The following CMTM6 variants were observed in gnomAD, a reference collection of about 807,000 sequenced individuals.
CMTM6 encodes CKLF like MARVEL transmembrane domain containing 6, also known as CKLF-like MARVEL transmembrane domain-containing protein 6.
CMTM6 carries 5 observed loss-of-function variants against 13.6 expected under a neutral mutation model. The observed-to-expected ratio is 0.37, with a 90% CI of 0.19 to 0.77. The LOEUF is 0.77. Among genes scored for constraint, CMTM6 ranks in the 30% least tolerant of loss-of-function variants. CMTM6 has a pLI of 0.50. For missense variants in CMTM6, 196 were observed against 218.6 expected (o/e 0.90, Z 0.65); for synonymous variants, 99 against 84.5 (o/e 1.17, Z -0.94).
chr3:32,484,910 C>A (rs1048265240), intron 3 of CMTM6, among the ~76,000 whole-genome samples: 4 of 152,068 alleles, frequency 2.6e-5, no homozygotes, highest in Non-Finnish European at 4.4e-5. Context: ...TCTCCTCCCC[C>A]CTCTAAAGAA....
chr3:32,500,426 A>C (rs985575185), intron 1 of CMTM6, among the ~76,000 whole-genome samples: 1 of 152,236 alleles, frequency 6.6e-6, no homozygotes, highest in Non-Finnish European at 1.5e-5. Flanking sequence ...CAAACAAAGG[A>C]ACAAAAAGAC....
At chr3:32,495,203 A>G (rs1407042443) in intron 1 of CMTM6, among the ~76,000 whole-genome samples, 2 of 152,224 alleles carry the variant, frequency 1.3e-5, no homozygotes, top group African/African-American at 4.8e-5. Context: ...TAATTGTAAC[A>G]TGAATGGTTA....
At position 32,482,329 on chromosome 3, in the gene CMTM6, A is replaced by G. The variant is rs1046145191; in HGVS notation, c.*1631T>C. ...TCTGAGAACCACATTAGCCACATTC[A>G]TGCAATTAAAACCCATCTAAGACAC... On this transcript the variant is annotated 3_prime_UTR_variant, in exon 4 of 4. Transcript: ENST00000205636. 2 of 152,078 alleles carry G rather than the reference A, an allele frequency of 1.3e-5. No individual in the cohort carries two copies. The highest frequency in any genetic ancestry group is 2.9e-5 in the Non-Finnish European group (2 of 68,016). The allele number at this position is 152,078 out of a possible 1,614,324, so 9.4% of individuals were successfully genotyped here. A position where few individuals can be genotyped will look rare whatever the true frequency, so the allele number is the denominator to read the frequency against.
chr3:32,494,667 T>C (rs1697274771), intron 1 of CMTM6, among the ~76,000 whole-genome samples: 1 of 152,160 alleles, frequency 6.6e-6, no homozygotes, highest in South Asian at 2.1e-4. Context: ...TACCATGGAA[T>C]ATTAGCAATA....
At chr3:32,493,850 G>A (rs1697268580) in intron 1 of CMTM6, among the ~76,000 whole-genome samples, 1 of 152,218 alleles carries the variant, frequency 6.6e-6, no homozygotes, top group East Asian at 1.9e-4. Flanking sequence ...GCTATAAGAA[G>A]GTTGCCAGTG....
intron 1 of CMTM6, among the ~76,000 whole-genome samples, chr3:32,497,317 A>G (rs1489162481): frequency 2.2e-4 from 33 of 149,596 alleles, no homozygotes; most frequent in East Asian, 1.6e-3. Context: ...CCCAGGAGGC[A>G]GAGCTTTCAG....
Position 32,502,620 on chromosome 3 carries a change from C to T in CMTM6, c.126G>A (p.Lys42=). Residue 42 remains lysine, a synonymous_variant, in exon 1 of 4, where the codon AAG becomes AAA. Coordinates refer to ENST00000205636, the MANE Select transcript of CMTM6 (RefSeq NM_017801.3). ...ACCGCGGACTCACCAGCTGCAAGCC[C>T]TTGAGAACGCGCCGGAGCAATGGGA... ...GRLPLLRRVL[K]GLQLLLSLLA... 6.3e-7 allele frequency: 1 copy of T among 1,597,358 alleles called. No homozygotes were observed. Among genetic ancestry groups the T allele is most frequent in the Non-Finnish European group, 8.5e-7 (1 of 1,173,958 alleles).
chr3:32,493,182 A>G (rs181810860), intron 1 of CMTM6, among the ~76,000 whole-genome samples: 1 of 152,362 alleles, frequency 6.6e-6, no homozygotes, highest in African/African-American at 2.4e-5. Context: ...GTATGGGAAC[A>G]ACACAACTCA....
chr3:32,492,225 G>A (rs1035327866), intron 1 of CMTM6, among the ~76,000 whole-genome samples: 5 of 152,116 alleles, frequency 3.3e-5, no homozygotes, highest in Admixed American at 6.6e-5. Context: ...GAGTCAGTTT[G>A]GGGGATGAAA....
chr3:32,490,053 CT>C (rs1697237928), intron 2 of CMTM6, among the ~76,000 whole-genome samples: 2 of 152,062 alleles, frequency 1.3e-5, no homozygotes, highest in African/African-American at 4.8e-5. Context: ...TGAGACCAGC[CT>C]GGCCAATATG....
Position 32,483,826 on chromosome 3 carries a change from G to T in CMTM6, c.*134C>A. 1.1e-6 allele frequency: 1 copy of T among 887,260 alleles called. No homozygotes were observed. Among genetic ancestry groups the T allele is most frequent in the Non-Finnish European group, 1.6e-6 (1 of 636,710 alleles). The allele number at this position is 887,260 out of a possible 1,614,324, so 55.0% of individuals were successfully genotyped here. ...TGACTGACACAATATTGATAAAACTGCCTTCTTGACCTTCCCCTTGCTCTC... is the reference window on the plus strand; with the variant it reads ...TGACTGACACAATATTGATAAAACTTCCTTCTTGACCTTCCCCTTGCTCTC... On this transcript the variant is annotated 3_prime_UTR_variant, in exon 4 of 4. Transcript: ENST00000205636.
At chr3:32,501,845 T>TA (rs1395427125) in intron 1 of CMTM6, among the ~76,000 whole-genome samples, 2 of 152,196 alleles carry the variant, frequency 1.3e-5, no homozygotes, top group Non-Finnish European at 2.9e-5. Context: ...GTTGGAACAG[T>TA]ACATAGGAGC....
chr3:32,495,869 TTAAGAGAATCAAGGAGTACAA>T (rs1697285470), intron 1 of CMTM6, among the ~76,000 whole-genome samples: 1 of 152,160 alleles, frequency 6.6e-6, no homozygotes, highest in African/African-American at 2.4e-5. Flanking sequence ...CCTGGACATC[TTAAGAGAATCAAGGAGTACAA>T]TATTAAGTAT....
intron 2 of CMTM6, among the ~76,000 whole-genome samples, chr3:32,489,322 T>C (rs1234330749): frequency 1.3e-5 from 2 of 149,760 alleles, no homozygotes; most frequent in African/African-American, 4.9e-5. Context: ...AATTCCTAAA[T>C]TGTCAATCAT....
At position 32,490,861 on chromosome 3, in the gene CMTM6, AT is replaced by A. The variant is rs3836418; in HGVS notation, c.315+848del. On this transcript the variant is annotated intron_variant, in intron 2 of 3. Transcript: ENST00000205636. The stretch of plus-strand genomic sequence containing the variant: ...TCCAGCCAGAATTTGGAATATATAC[AT>A]TTTTTTTTACACATTCAAACTATAA... 2.4e-3 allele frequency among the ~76,000 whole-genome samples: 364 copies of A among 151,602 alleles called. 2 individuals carry two copies. The highest frequency in any genetic ancestry group is 0.022 in the East Asian group (115 of 5,176).
At chr3:32,497,383 A>C (rs928678262) in intron 1 of CMTM6, among the ~76,000 whole-genome samples, 1 of 101,534 alleles carries the variant, frequency 9.8e-6, no homozygotes, top group Non-Finnish European at 2.0e-5. Context: ...ACTCTGTCTC[A>C]AAAAAAAAAA....
intron 2 of CMTM6, among the ~76,000 whole-genome samples, chr3:32,489,082 C>A (rs1697229068): frequency 6.6e-6 from 1 of 151,236 alleles, no homozygotes; most frequent in Non-Finnish European, 1.5e-5. Context: ...GCCTGACCAA[C>A]ATGGTGAAAC....
At chr3:32,500,962 G>T (rs1308877831) in intron 1 of CMTM6, among the ~76,000 whole-genome samples, 1 of 151,690 alleles carries the variant, frequency 6.6e-6, no homozygotes, top group East Asian at 1.9e-4. Context: ...TGGGAGGCCC[G>T]GAGGGCGAAA....
intron 3 of CMTM6, among the ~76,000 whole-genome samples, chr3:32,486,815 T>C (rs1697209640): frequency 6.6e-6 from 1 of 152,176 alleles, no homozygotes; most frequent in Non-Finnish European, 1.5e-5. Context: ...TCTGGCGCTG[T>C]TCTTGTAATA....
Sources: gnomAD v4.1 joint callset for allele counts (sites outside exome capture counted in the v4.1 genomes callset) on GRCh38, gnomAD v4.1.1 for gene constraint, MANE v1.5 for transcripts, NCBI Gene and HGNC (gene_info 2026-07-23, HGNC 2026-07-21) for gene names.